ABCA13: variants seen among roughly 807,000 people sequenced by gnomAD.
ABCA13 encodes the protein ATP-binding cassette sub-family A member 13.
In ABCA13, 476 loss-of-function variants were observed where a neutral mutation model predicts 478.7. The observed-to-expected ratio is 0.99, with a 90% CI of 0.92 to 1.07. The LOEUF is 1.07. Ranked by LOEUF, ABCA13 falls within the 50% of genes least tolerant of loss-of-function variation. The probability of loss-of-function intolerance (pLI) is 0.00; values close to 1 mark genes in which losing one functional copy is unlikely to be tolerated. For synonymous variants in ABCA13, 2,252 were observed against 2,158.9 expected, an observed-to-expected ratio of 1.04 and a Z score of -1.20; for missense variants, 6,060 against 5,910.6, an observed-to-expected ratio of 1.03 and a Z score of -0.83.
chr7:48,175,853 A>G (rs1794793401), intron 1 of ABCA13, among the ~76,000 whole-genome samples: 1 of 151,894 alleles, frequency 6.6e-6, no homozygotes, highest in Non-Finnish European at 1.5e-5. Context: ...CCCTACCTTC[A>G]CCAGCTACTT....
intron 8 of ABCA13, among the ~76,000 whole-genome samples, chr7:48,235,278 G>A (rs1789777714): frequency 6.6e-6 from 1 of 152,184 alleles, no homozygotes; most frequent in Non-Finnish European, 1.5e-5. Flanking sequence ...TCTCATGGAT[G>A]CTGATGTAGA....
chr7:48,230,632 CATCT>C lies in ABCA13; in HGVS notation c.763+678_763+681del, dbSNP rs2128991023. Among the ~76,000 whole-genome samples, 3 of 152,166 alleles carry C rather than the reference CATCT, an allele frequency of 2.0e-5. 1 individual carries two copies. The South Asian group carries it at 6.2e-4, about 32-fold the overall frequency. On this transcript the variant is annotated intron_variant, in intron 7 of 61. Coordinates refer to ENST00000435803, the MANE Select transcript of ABCA13 (RefSeq NM_152701.5). ...CCACACATCCATTCATCCATCCATC[CATCT>C]GCCTACCCATTCACCCACTAAACAA...
intron 3 of ABCA13, among the ~76,000 whole-genome samples, chr7:48,207,159 G>C (rs1785035385): frequency 6.6e-6 from 1 of 151,974 alleles, no homozygotes. Context: ...TCTTTTTTAT[G>C]GCTGAATAAT....
chr7:48,341,812 G>GATATATATATATATATCTTTCTGAT (rs770333822), intron 29 of ABCA13, among the ~76,000 whole-genome samples: 1 of 48,384 alleles, frequency 2.1e-5, no homozygotes, highest in African/African-American at 8.0e-5. Flanking sequence ...TTTCTTTTCT[G>GATATATATATATATATCTTTCTGAT]ATATATATAT....
Position 48,273,614 on chromosome 7 carries a change from T to G in ABCA13, c.3948T>G (p.Tyr1316Ter), listed in dbSNP as rs1382777028. Residue 1316 changes from tyrosine (Y) to a stop codon, truncating the protein, a stop_gained, in exon 17 of 62, where the codon TAT (tyrosine) becomes TAG (stop). Transcript: ENST00000435803. LOFTEE classifies it high-confidence loss of function. Reference protein sequence around the residue: ...NDFLSNNLTNYGEKFENIITE... With the variant: ...NDFLSNNLTN ...TTCTTTCAAATAATCTCACAAATTATGGAGAAAAATTTGAAAATATCATCA... is the reference window on the plus strand; with the variant it reads ...TTCTTTCAAATAATCTCACAAATTAGGGAGAAAAATTTGAAAATATCATCA... 1 of 1,599,980 alleles carries G rather than the reference T, an allele frequency of 6.3e-7. No homozygotes were observed. Among genetic ancestry groups the G allele is most frequent in the Non-Finnish European group, 8.5e-7 (1 of 1,172,144 alleles).
At chr7:48,614,815 C>T (rs2131562151) in intron 58 of ABCA13, among the ~76,000 whole-genome samples, 1 of 139,890 alleles carries the variant, frequency 7.1e-6, no homozygotes, top group Admixed American at 8.1e-5. Flanking sequence ...TGTTCTCACT[C>T]ATAGGTGGGA....
At chr7:48,405,031 C>T (rs1327635653) in intron 39 of ABCA13, among the ~76,000 whole-genome samples, 3 of 152,226 alleles carry the variant, frequency 2.0e-5, no homozygotes, top group African/African-American at 7.2e-5. Flanking sequence ...GCAGCCACAT[C>T]GGAGTTCACG....
At chr7:48,367,679 A>T in intron 31 of ABCA13, 115 bp from the exon 32 acceptor site, 1 of 782,758 alleles carries the variant, frequency 1.3e-6, no homozygotes, top group Non-Finnish European at 2.2e-6. Context: ...GCATGTAGAA[A>T]TGACCAAAGG....
rs748576716 is a variant in ABCA13, at chr7:48,272,394, C to G, written c.2728C>G (p.Gln910Glu). Residue 910 changes from glutamine (Q) to glutamate (E), a missense_variant, in exon 17 of 62, where the codon CAG becomes GAG. This residue lies in a region of ABCA13 where 4,423 missense variants were observed against 4,309.1 expected (regional missense o/e 1.03). Coordinates refer to ENST00000435803, the MANE Select transcript of ABCA13 (RefSeq NM_152701.5). ...TCTCCATGAATTTGGATTTTTGGAG[C>G]AGGAACAGATCTCAGAAGCTCTGAA... ...TSLHEFGFLEQEQISEALNTV... is the reference protein window; with the variant it reads ...TSLHEFGFLEEEQISEALNTV... The G allele has an allele frequency of 6.2e-6, 10 of 1,613,758 alleles. No individual in the cohort carries two copies. Among genetic ancestry groups the G allele is most frequent in the Non-Finnish European group, 7.6e-6 (9 of 1,179,764 alleles).
At chr7:48,261,563 T>C (rs1794185405) in intron 15 of ABCA13, among the ~76,000 whole-genome samples, 1 of 151,946 alleles carries the variant, frequency 6.6e-6, no homozygotes, top group Non-Finnish European at 1.5e-5. Flanking sequence ...TTTCTTCTAC[T>C]TTCTGGGATA....
chr7:48,507,837 T>C (rs757253554), intron 49 of ABCA13, 35 bp from the exon 50 acceptor site: 27 of 1,550,492 alleles, frequency 1.7e-5, no homozygotes, highest in Non-Finnish European at 2.3e-5. Context: ...GTGTTCTTCG[T>C]CAGGTGCCTG....
chr7:48,595,436 T>A (rs536455291), intron 58 of ABCA13, among the ~76,000 whole-genome samples: 2 of 152,350 alleles, frequency 1.3e-5, no homozygotes, highest in South Asian at 4.1e-4. Flanking sequence ...TTTAGACTTG[T>A]TTTGTCTTTA....
chr7:48,472,965 C>A (rs1402748594), intron 45 of ABCA13, among the ~76,000 whole-genome samples: 2 of 152,188 alleles, frequency 1.3e-5, no homozygotes, highest in Non-Finnish European at 2.9e-5. Context: ...GGACTTACAG[C>A]TCTACATGGC....
At chr7:48,391,489 T>C (rs1188765222) in intron 37 of ABCA13, among the ~76,000 whole-genome samples, 1 of 152,204 alleles carries the variant, frequency 6.6e-6, no homozygotes, top group Non-Finnish European at 1.5e-5. Flanking sequence ...TTGCAAGAGA[T>C]ATTCAACACC....
At chr7:48,409,461 C>T (rs1336910616) in intron 39 of ABCA13, among the ~76,000 whole-genome samples, 1 of 152,172 alleles carries the variant, frequency 6.6e-6, no homozygotes, top group African/African-American at 2.4e-5. Flanking sequence ...TCACTGATGA[C>T]TTTCCTGCCA....
chr7:48,434,740 T>TC (rs574097073), intron 42 of ABCA13, among the ~76,000 whole-genome samples: 17 of 152,098 alleles, frequency 1.1e-4, no homozygotes, highest in African/African-American at 3.9e-4. Flanking sequence ...TATCCAGTAT[T>TC]CCCCACATCA....
chr7:48,455,537 G>A (rs1417001148), intron 43 of ABCA13, among the ~76,000 whole-genome samples: 1 of 152,180 alleles, frequency 6.6e-6, no homozygotes, highest in East Asian at 1.9e-4. Flanking sequence ...TCCTCATGGT[G>A]GCCGAGTCCC....
At chr7:48,595,892 C>T (rs749589527) in intron 58 of ABCA13, among the ~76,000 whole-genome samples, 1 of 152,128 alleles carries the variant, frequency 6.6e-6, no homozygotes, top group Non-Finnish European at 1.5e-5. Context: ...ACACAAGGGA[C>T]CCATGGAAAC....
At chr7:48,434,387 AGTTC>A (rs1167787180) in intron 42 of ABCA13, among the ~76,000 whole-genome samples, 4 of 151,814 alleles carry the variant, frequency 2.6e-5, no homozygotes, top group Non-Finnish European at 5.9e-5. Flanking sequence ...GACTTGTAGA[AGTTC>A]GTTGTTTTCT....
Sources: allele counts gnomAD v4.1 joint callset (sites outside exome capture counted in the v4.1 genomes callset), GRCh38; gene constraint gnomAD v4.1.1; regional missense constraint gnomAD v4.1.1; transcripts MANE v1.5; gene names NCBI Gene and HGNC (gene_info 2026-07-23, HGNC 2026-07-21).